The following TRPM6 variants were observed in gnomAD, a reference collection of about 807,000 sequenced individuals.
TRPM6 encodes channel kinase 2.
A neutral mutation model predicts 247.6 loss-of-function variants in TRPM6; 111 were observed. The observed-to-expected ratio is 0.45, with a 90% confidence interval of 0.38 to 0.52. The LOEUF (loss-of-function observed/expected upper bound fraction) is 0.52, where lower values mean the gene tolerates loss of function less well. Among genes scored for constraint, TRPM6 ranks in the 20% least tolerant of loss-of-function variants. The pLI is 0.00. For synonymous variants in TRPM6, 892 were observed against 853.8 expected (o/e 1.04, Z -0.78); for missense variants, 2,126 against 2,421.5 (o/e 0.88, Z 2.56).
At chr9:74,811,374 A>G (rs1828724063) in intron 12 of TRPM6, among the ~76,000 whole-genome samples, 1 of 152,218 alleles carries the variant, frequency 6.6e-6, no homozygotes, top group African/African-American at 2.4e-5. Flanking sequence ...AATCACTGTG[A>G]ACTAACTGCA....
chr9:74,727,148 C>T (rs1825357699), intron 38 of TRPM6, among the ~76,000 whole-genome samples: 1 of 151,882 alleles, frequency 6.6e-6, no homozygotes, highest in Non-Finnish European at 1.5e-5. Flanking sequence ...TTGGGGAGGC[C>T]GAGGTGGGTG....
chr9:74,861,414 T>C (rs1053991985), intron 1 of TRPM6, among the ~76,000 whole-genome samples: 1 of 152,194 alleles, frequency 6.6e-6, no homozygotes, highest in Non-Finnish European at 1.5e-5. Flanking sequence ...TTTTGTATTT[T>C]TCATGCCTCT....
rs1258444093 is a variant in TRPM6 at position 74,771,761 on chromosome 9, C to T, written c.3478G>A (p.Glu1160Lys). Residue 1160 changes from glutamate to lysine, a missense_variant, in exon 25 of 39, where the codon GAG (glutamate) becomes AAG (lysine). Coordinates refer to ENST00000360774, the MANE Select transcript of TRPM6 (RefSeq NM_017662.5). ...EEQCVEKYFH[E>K]KMEDVNCSCE... is the part of the protein sequence containing the mutation. The stretch of plus-strand genomic sequence containing the variant: ...CTACAATTCACATCTTCCATCTTCT[C>T]ATGGAAGTATTTTTCCACGCACTGC... The T allele has an allele frequency of 1.3e-5, 21 of 1,611,924 alleles. No individual in the cohort carries two copies. The highest frequency in any genetic ancestry group is 2.7e-5 in the African/African-American group (2 of 74,876).
At chr9:74,763,239 G>T in intron 25 of TRPM6, 105 bp from the exon 26 acceptor site, 1 of 1,080,886 alleles carries the variant, frequency 9.3e-7, no homozygotes, top group Non-Finnish European at 1.4e-6. Context: ...AGCCTCAGCT[G>T]CTTCCCTAGG....
intron 3 of TRPM6, among the ~76,000 whole-genome samples, chr9:74,848,656 G>T (rs913251019): frequency 3.9e-5 from 6 of 152,088 alleles, no homozygotes; most frequent in African/African-American, 1.4e-4. Context: ...CAACTGCCCT[G>T]CCTCCAGCTA....
Position 74,723,957 on chromosome 9 carries a change from CCTTT to C in TRPM6, c.*652_*655del, listed in dbSNP as rs1825229804. The C allele has an allele frequency of 1.4e-5, 2 of 146,722 alleles. No individual in the cohort carries two copies. Among genetic ancestry groups the C allele is most frequent in the Non-Finnish European group, 3.0e-5 (2 of 67,168 alleles). 9.1% of individuals were successfully genotyped at this position (146,722 alleles called of 1,614,324 possible). ...TGGAAGGGTATTTGTTTTAGGTTTC[CCTTT>C]CTTTTACAGAAACCTGAAATATCCA... On this transcript the variant is annotated 3_prime_UTR_variant, in exon 39 of 39. Coordinates refer to ENST00000360774, the MANE Select transcript of TRPM6 (RefSeq NM_017662.5).
intron 36 of TRPM6, among the ~76,000 whole-genome samples, chr9:74,737,202 A>C (rs993549296): frequency 3.5e-5 from 5 of 144,466 alleles, no homozygotes; most frequent in African/African-American, 1.4e-4. Flanking sequence ...TTTGAATTGA[A>C]TTAAATATAA....
At chr9:74,746,598 G>A (rs942290654) in intron 31 of TRPM6, among the ~76,000 whole-genome samples, 9 of 152,234 alleles carry the variant, frequency 5.9e-5, no homozygotes, top group Non-Finnish European at 1.2e-4. Context: ...GGGGTTTGCA[G>A]TCTACCTTTG....
At chr9:74,832,295 A>C (rs1413886398) in intron 6 of TRPM6, among the ~76,000 whole-genome samples, 1 of 152,218 alleles carries the variant, frequency 6.6e-6, no homozygotes, top group African/African-American at 2.4e-5. Context: ...AAATCCATAG[A>C]TTAAAAGTGA....
At chr9:74,735,705 T>A (rs1429665600) in intron 36 of TRPM6, among the ~76,000 whole-genome samples, 1 of 152,172 alleles carries the variant, frequency 6.6e-6, no homozygotes, top group Non-Finnish European at 1.5e-5. Context: ...TGGATTTTAA[T>A]GATGATGATT....
At chr9:74,861,624 T>C (rs1487619546) in intron 1 of TRPM6, among the ~76,000 whole-genome samples, 1 of 152,168 alleles carries the variant, frequency 6.6e-6, no homozygotes, top group African/African-American at 2.4e-5. Context: ...ATGGGGATAA[T>C]AATAGTACCT....
intron 6 of TRPM6, among the ~76,000 whole-genome samples, chr9:74,829,846 C>T (rs1829483360): frequency 6.6e-6 from 1 of 152,068 alleles, no homozygotes; most frequent in Admixed American, 6.6e-5. Flanking sequence ...CAAGGCTAGA[C>T]ACAGAGAGAG....
chr9:74,860,710 T>C (rs1253979280), intron 1 of TRPM6, among the ~76,000 whole-genome samples: 1 of 152,104 alleles, frequency 6.6e-6, no homozygotes, highest in African/African-American at 2.4e-5. Flanking sequence ...TCAAAATCTA[T>C]ATTTCAATAA....
chr9:74,737,256 T>C (rs1825724907), intron 36 of TRPM6: 1 of 525,068 alleles, frequency 1.9e-6, no homozygotes, highest in South Asian at 2.1e-5. Context: ...GAAGCACCTA[T>C]ATGTCATTTA....
chr9:74,792,892 C>T, intron 18 of TRPM6, 122 bp from the exon 19 acceptor site: 1 of 966,062 alleles, frequency 1.0e-6, no homozygotes, highest in Non-Finnish European at 1.6e-6. Flanking sequence ...GGCGGTGGCT[C>T]ACACCTGTAA....
chr9:74,808,933 C>T (rs1305502217), intron 13 of TRPM6, among the ~76,000 whole-genome samples: 1 of 152,110 alleles, frequency 6.6e-6, no homozygotes, highest in Non-Finnish European at 1.5e-5. Flanking sequence ...GTCTATAATC[C>T]ACTTTGCCTA....
At chr9:74,767,011 A>G (rs1210315139) in intron 25 of TRPM6, among the ~76,000 whole-genome samples, 1 of 152,150 alleles carries the variant, frequency 6.6e-6, no homozygotes, top group African/African-American at 2.4e-5. Flanking sequence ...AGTGGCATTG[A>G]CCACTGCCTT....
chr9:74,727,850 C>T (rs1255533605), intron 38 of TRPM6, among the ~76,000 whole-genome samples: 1 of 151,986 alleles, frequency 6.6e-6, no homozygotes. Context: ...TACCCAATGG[C>T]GAAATTAGAA....
chr9:74,839,917 G>GGAGGGAGGGAGAGAGGGAGGGAGA (rs1829869307), intron 5 of TRPM6, 107 bp downstream of exon 5: 1 of 752,108 alleles, frequency 1.3e-6, no homozygotes, highest in African/African-American at 2.1e-5. Flanking sequence ...AGGGAGGGAG[G>GGAGGGAGGGAGAGAGGGAGGGAGA]GAAAGAAAAG....
Sources: allele counts gnomAD v4.1 joint callset (sites outside exome capture counted in the v4.1 genomes callset), GRCh38; gene constraint gnomAD v4.1.1; transcripts MANE v1.5; gene names NCBI Gene and HGNC (gene_info 2026-07-23, HGNC 2026-07-21).